Variants in GALNT15 observed in about 807,000 individuals in gnomAD.
GALNT15 encodes UDP-GalNAc transferase T15.
In GALNT15, 67 loss-of-function variants were observed where a neutral mutation model predicts 66.8. The ratio of observed to expected loss-of-function variants is 1.00; its 90% CI spans 0.82 to 1.23. The LOEUF is 1.23. Ranked by LOEUF, GALNT15 falls within the 50% of genes most tolerant of loss-of-function variation. GALNT15 has a pLI of 0.00. For synonymous variants in GALNT15, 313 were observed against 311.5 expected, an observed-to-expected ratio of 1.00 and a Z score of -0.05; for missense variants, 827 against 804.3, an observed-to-expected ratio of 1.03 and a Z score of -0.34.
At chr3:16,235,040 A>C (rs1411471449), downstream of GALNT15, among the ~76,000 whole-genome samples, 1 of 151,060 alleles carries the variant, frequency 6.6e-6, no homozygotes, top group African/African-American at 2.4e-5. Flanking sequence ...ATCCTGCCTC[A>C]GCCTCCCAAG....
the GALNT15 span, among the ~76,000 whole-genome samples, chr3:16,237,430 G>A: frequency 6.6e-6 from 1 of 152,166 alleles, no homozygotes; most frequent in Non-Finnish European, 1.5e-5. This position sits in a 1 kb window ranked among gnomAD's most constrained non-coding sequence, Gnocchi z 4.2. Context: ...TAAAACAAAT[G>A]GCCTGAGGCA....
At chr3:16,192,154 G>C (rs1440236541) in intron 1 of GALNT15, among the ~76,000 whole-genome samples, 1 of 152,196 alleles carries the variant, frequency 6.6e-6, no homozygotes, top group Admixed American at 6.5e-5. Context: ...TGATTCTGAA[G>C]TCTAAGTTCT....
intron 1 of GALNT15, among the ~76,000 whole-genome samples, chr3:16,192,057 T>C (rs2063584983): frequency 6.6e-6 from 1 of 152,186 alleles, no homozygotes; most frequent in South Asian, 2.1e-4. Flanking sequence ...ACCTTCCAAA[T>C]GAGGAAACTG....
the GALNT15 span, among the ~76,000 whole-genome samples, chr3:16,241,200 T>C: frequency 6.6e-6 from 1 of 152,186 alleles, no homozygotes; most frequent in Non-Finnish European, 1.5e-5. The surrounding 1 kb of genome is among the most constrained non-coding windows in gnomAD (Gnocchi z 4.6). Flanking sequence ...TTTAAACAAA[T>C]TTTGCTTAGC....
chr3:16,177,137 C>A (rs865780977), intron 1 of GALNT15, among the ~76,000 whole-genome samples: 23 of 152,160 alleles, frequency 1.5e-4, no homozygotes, highest in Non-Finnish European at 3.1e-4. Context: ...ATGCTGTGAG[C>A]CCCTTAGAAG....
In GALNT15 at chr3:16,203,897, C is replaced by T. The variant is rs2063730009; in HGVS notation, c.911+3074C>T. 6.6e-6 allele frequency among the ~76,000 whole-genome samples: 1 copy of T among 152,128 alleles called. No homozygotes were observed. The highest frequency in any genetic ancestry group is 2.1e-4 in the South Asian group (1 of 4,818). ...CCCCAGGGACGTCGCCCACGTGCCT[C>T]ATACAAAGCCAAGCTGTGGAAGGCA... is the stretch of plus-strand genomic sequence containing the variant. On this transcript the variant is annotated intron_variant, in intron 3 of 9. Coordinates refer to ENST00000339732, the MANE Select transcript of GALNT15 (RefSeq NM_054110.5). The surrounding 1 kb of genome is among the most constrained non-coding windows in gnomAD (Gnocchi z 6.2).
chr3:16,217,384 G>C (rs905946), intron 6 of GALNT15, among the ~76,000 whole-genome samples: 1 of 152,018 alleles, frequency 6.6e-6, no homozygotes, highest in Non-Finnish European at 1.5e-5. Context: ...TTCTCTCTCT[G>C]TTGAGCATTT....
the GALNT15 span, chr3:16,244,101 G>T: frequency 4.0e-5 from 29 of 717,902 alleles, no homozygotes; most frequent in Non-Finnish European, 4.9e-5. Flanking sequence ...CAGAAGAACA[G>T]GCACCGATCG....
At chr3:16,244,107 G>A in the GALNT15 span, 68 of 650,192 alleles carry the variant, frequency 1.0e-4, no homozygotes, top group Non-Finnish European at 1.2e-4. Context: ...AACAGGCACC[G>A]ATCGATAGGA....
At chr3:16,231,999 A>G (rs2064086479), downstream of GALNT15, 2 of 1,457,530 alleles carry the variant, frequency 1.4e-6, no homozygotes, top group Non-Finnish European at 1.8e-6. The surrounding 1 kb of genome is among the most constrained non-coding windows in gnomAD (Gnocchi z 4.1). Context: ...TGGAGCTGCT[A>G]TCTTTAAAGT....
chr3:16,227,415 A>C lies in GALNT15; in HGVS notation c.1835A>C (p.Asn612Thr). 6.2e-7 allele frequency: 1 copy of C among 1,614,176 alleles called. No homozygotes were observed. The highest frequency in any genetic ancestry group is 8.5e-7 in the Non-Finnish European group (1 of 1,180,020). ...KCMEAVVQENNKDLYLRPCDG... is the reference protein window; with the variant it reads ...KCMEAVVQENTKDLYLRPCDG... ...ATGGAAGCTGTGGTGCAAGAAAACA[A>C]TAAAGATTTGTACCTGCGTCCGTGT... Residue 612 changes from asparagine to threonine, a missense_variant, in exon 10 of 10, where the codon AAT (asparagine) becomes ACT (threonine). Physicochemically the swap from Asn to Thr is moderately conservative, Grantham distance 65 (BLOSUM62 0). Transcript: ENST00000339732. The surrounding 1 kb of genome is among the most constrained non-coding windows in gnomAD (Gnocchi z 4.5).
intron 9 of GALNT15, among the ~76,000 whole-genome samples, chr3:16,226,165 G>T (rs566699424): frequency 6.6e-6 from 1 of 152,242 alleles, no homozygotes; most frequent in African/African-American, 2.4e-5. Context: ...ATAGAAAGTA[G>T]ATTAATGATT....
Position 16,208,636 on chromosome 3 carries a change from A to ATT in GALNT15, c.1045_1046insTT (p.Arg349IlefsTer9). ...CTGGGAACCTTTGCCAGAGCATGTGAGGAAGGCCCTCCAGTCCCCCATAAG... is the reference window on the plus strand; with the variant it reads ...CTGGGAACCTTTGCCAGAGCATGTGATTGGAAGGCCCTCCAGTCCCCCATAAG... On this transcript the variant is annotated frameshift_variant, in exon 4 of 10. Coordinates refer to ENST00000339732, the MANE Select transcript of GALNT15 (RefSeq NM_054110.5). LOFTEE classifies it high-confidence loss of function. 2 of 1,614,082 alleles carry ATT rather than the reference A, an allele frequency of 1.2e-6. No homozygotes were observed. Among genetic ancestry groups the ATT allele is most frequent in the Non-Finnish European group, 1.7e-6 (2 of 1,179,996 alleles).
downstream of GALNT15, among the ~76,000 whole-genome samples, chr3:16,233,969 A>G (rs1043168336): frequency 9.9e-5 from 15 of 152,280 alleles, no homozygotes; most frequent in African/African-American, 3.4e-4. Flanking sequence ...TGGCAGGCAG[A>G]TTACCCTATA....
Position 16,188,566 on chromosome 3 carries a change from T to A in GALNT15, c.540-7194T>A, listed in dbSNP as rs956486920. On this transcript the variant is annotated intron_variant, in intron 1 of 9. Transcript: ENST00000339732. The surrounding 1 kb of genome is among the most constrained non-coding windows in gnomAD (Gnocchi z 4.6). ...AAGAGTCACATCTCCCTGGCTGGTG[T>A]TTGAGCTTATGCTCCCTTCAAACCT... Among the ~76,000 whole-genome samples, 2 of 152,304 alleles carry A rather than the reference T, an allele frequency of 1.3e-5. No individual in the cohort carries two copies. Among genetic ancestry groups the A allele is most frequent in the Middle Eastern group, 6.8e-3 (2 of 294 alleles).
rs569812869 is a variant in GALNT15 at position 16,200,096 on chromosome 3, C to T, written c.707-523C>T. Among the ~76,000 whole-genome samples the T allele has an allele frequency of 1.3e-5, 2 of 151,102 alleles. No homozygotes were observed. The highest frequency in any genetic ancestry group is 2.4e-5 in the African/African-American group (1 of 40,970). On this transcript the variant is annotated intron_variant, in intron 2 of 9. Coordinates refer to ENST00000339732, the MANE Select transcript of GALNT15 (RefSeq NM_054110.5). The surrounding 1 kb of genome is among the most constrained non-coding windows in gnomAD (Gnocchi z 4.4). ...ATGGTGGAAGGGGAAGCATGTCTTA[C>T]ATGGCAGCAAGTGAGAGAAAGAGAG...
Position 16,180,466 on chromosome 3 carries a change from C to G in GALNT15, c.539+4776C>G, listed in dbSNP as rs760160264. Among the ~76,000 whole-genome samples, 1 of 152,212 alleles carries G rather than the reference C, an allele frequency of 6.6e-6. No homozygotes were observed. Among genetic ancestry groups the G allele is most frequent in the East Asian group, 1.9e-4 (1 of 5,192 alleles). Reference sequence around the variant, plus strand: ...CACATTTTTCAACAGTGAGGAGTTACACCACGACTTCCCAAAAGTATGTGC... The same window carrying G: ...CACATTTTTCAACAGTGAGGAGTTAGACCACGACTTCCCAAAAGTATGTGC... On this transcript the variant is annotated intron_variant, in intron 1 of 9. Transcript: ENST00000339732. This position sits in a 1 kb window ranked among gnomAD's most constrained non-coding sequence, Gnocchi z 5.0.
At position 16,227,808 on chromosome 3, in the gene GALNT15, T is replaced by C; in HGVS notation, c.*308T>C. The C allele has an allele frequency of 8.9e-7, 1 of 1,120,880 alleles. No individual in the cohort carries two copies. The highest frequency in any genetic ancestry group is 4.8e-5 in the Admixed American group (1 of 20,706). The allele number at this position is 1,120,880 out of a possible 1,614,324, so 69.4% of individuals were successfully genotyped here. ...CACTGAGCACTTAACAATTGCTTTC[T>C]CTCTGGCCTGGACATTCTCTGGCAG... On this transcript the variant is annotated 3_prime_UTR_variant, in exon 10 of 10. Coordinates refer to ENST00000339732, the MANE Select transcript of GALNT15 (RefSeq NM_054110.5). The surrounding 1 kb of genome is among the most constrained non-coding windows in gnomAD (Gnocchi z 4.5).
chr3:16,208,559 AC>A lies in GALNT15; in HGVS notation c.972del (p.Ser325GlnfsTer24). The A allele has an allele frequency of 6.2e-7, 1 of 1,614,078 alleles. No individual in the cohort carries two copies. Among genetic ancestry groups the A allele is most frequent in the East Asian group, 2.2e-5 (1 of 44,878 alleles). ...ATTGACTGGAAGACTTTCCAGTATT[AC>A]CCCTCAAAGGACCTGCAGCGTGGGG... ...DVIDWKTFQYYPSKDLQRGVL... is the reference protein window; with the variant it reads ...DVIDWKTFQYXPSKDLQRGVL... On this transcript the variant is annotated frameshift_variant, in exon 4 of 10. Transcript: ENST00000339732. LOFTEE classifies it high-confidence loss of function.
Sources: allele counts gnomAD v4.1 joint callset (sites outside exome capture counted in the v4.1 genomes callset), GRCh38; gene constraint gnomAD v4.1.1; non-coding constraint Gnocchi (gnomAD v3.1); transcripts MANE v1.5; gene names NCBI Gene and HGNC (gene_info 2026-07-23, HGNC 2026-07-21).